PAH: variants seen among roughly 807,000 people sequenced by gnomAD.
PAH encodes phenylalanine hydroxylase, also known as phenylalanine-4-hydroxylase.
In PAH, 64 loss-of-function variants were observed where a neutral mutation model predicts 62.0. That is an observed-to-expected ratio of 1.03 (90% confidence interval 0.84 to 1.27). PAH has a LOEUF of 1.27. Among genes scored for constraint, PAH ranks in the 50% most tolerant of loss-of-function variants. The probability of loss-of-function intolerance (pLI) is 0.00; values close to 1 mark genes in which losing one functional copy is unlikely to be tolerated. For synonymous variants in PAH, 195 were observed against 196.2 expected (o/e 0.99, Z 0.05); for missense variants, 579 against 542.8 (o/e 1.07, Z -0.66).
chr12:102,918,570 G>GTTTTTTTTTTTTT (rs71097955), upstream of PAH, among the ~76,000 whole-genome samples: 1 of 57,536 alleles, frequency 1.7e-5, no homozygotes, highest in Non-Finnish European at 3.2e-5. Context: ...GTTTTTTTTT[G>GTTTTTTTTTTTTT]TTTTTTTTTT....
chr12:102,906,381 A>G (rs961718335), intron 2 of PAH, among the ~76,000 whole-genome samples: 6 of 152,164 alleles, frequency 3.9e-5, no homozygotes, highest in African/African-American at 1.4e-4. Context: ...AAATTTTTGC[A>G]TATTACTTAC....
At chr12:102,868,014 A>C (rs965979633) in intron 4 of PAH, among the ~76,000 whole-genome samples, 2 of 142,254 alleles carry the variant, frequency 1.4e-5, no homozygotes, top group African/African-American at 5.2e-5. Context: ...GTATATACAT[A>C]TATACATATA....
chr12:102,956,671 C>G lies in PAH; in HGVS notation c.-96+1524G>C, dbSNP rs573625024. On this transcript the variant is annotated intron_variant, in intron 1 of 4. Coordinates refer to the PAH transcript ENST00000551337. The stretch of plus-strand genomic sequence containing the variant: ...GGGTCTGGGAGTATCCCAGAGCACT[C>G]CCTTCTTTATGATATCCGCTAAGCT... 3.9e-3 allele frequency among the ~76,000 whole-genome samples: 589 copies of G among 152,238 alleles called. 4 individuals are homozygous for G. Among genetic ancestry groups the G allele is most frequent in the African/African-American group, 0.013 (554 of 41,538 alleles).
Position 102,852,840 on chromosome 12 carries a change from A to T in PAH, c.817T>A (p.Ser273Thr). The T allele has an allele frequency of 6.2e-7, 1 of 1,614,014 alleles. No individual in the cohort carries two copies. Among genetic ancestry groups the T allele is most frequent in the Admixed American group, 1.7e-5 (1 of 59,996 alleles). Residue 273 changes from serine to threonine, a missense_variant, in exon 7 of 13, where the codon TCC becomes ACC. Transcript: ENST00000553106. ...GGTTCGGGGGTATACATGGGCTTGG[A>T]TCCATGTCTGATGTACTGTGTGCAG... is the stretch of plus-strand genomic sequence containing the variant. Reference protein sequence around the residue: ...FHCTQYIRHGSKPMYTPEPDI... With the variant: ...FHCTQYIRHGTKPMYTPEPDI...
At chr12:102,943,989 C>T (rs1180272727) in intron 1 of PAH, among the ~76,000 whole-genome samples, 3 of 152,136 alleles carry the variant, frequency 2.0e-5, no homozygotes, top group Non-Finnish European at 4.4e-5. Flanking sequence ...ATATAAAATT[C>T]ACCCATGTAA....
chr12:102,914,562 T>A (rs1878315766), intron 1 of PAH: 2 of 152,268 alleles, frequency 1.3e-5, no homozygotes, highest in South Asian at 4.1e-4. Flanking sequence ...TCTTCCCCCT[T>A]TTAAACCCTG....
intron 1 of PAH, among the ~76,000 whole-genome samples, chr12:102,940,994 C>T (rs1879267063): frequency 6.6e-6 from 1 of 152,140 alleles, no homozygotes; most frequent in South Asian, 2.1e-4. Flanking sequence ...GCCCTACAAA[C>T]CAGAAGAGAT....
intron 3 of PAH, among the ~76,000 whole-genome samples, chr12:102,885,240 A>G (rs1426647678): frequency 2.0e-5 from 3 of 152,178 alleles, no homozygotes; most frequent in African/African-American, 4.8e-5. Context: ...AGTTCTCTTC[A>G]CATACCCCTT....
At chr12:102,949,344 A>G (rs1008202924) in intron 1 of PAH, among the ~76,000 whole-genome samples, 104 of 152,276 alleles carry the variant, frequency 6.8e-4, no homozygotes, top group Non-Finnish European at 1.2e-3. Flanking sequence ...TTATGGCAGG[A>G]GGGCAGTGGG....
intron 1 of PAH, among the ~76,000 whole-genome samples, chr12:102,931,794 C>G (rs1485264972): frequency 1.3e-5 from 2 of 152,230 alleles, no homozygotes; most frequent in East Asian, 3.9e-4. Context: ...GAGACTGAGT[C>G]TTTTTTCAAT....
chr12:102,847,233 C>T (rs1015063420), intron 8 of PAH: 7 of 463,822 alleles, frequency 1.5e-5, no homozygotes, highest in African/African-American at 1.2e-4. Context: ...ATCACAGGGT[C>T]GGTTAGTATC....
At chr12:102,845,555 A>C (rs1460663140) in intron 9 of PAH, among the ~76,000 whole-genome samples, 1 of 152,192 alleles carries the variant, frequency 6.6e-6, no homozygotes, top group South Asian at 2.1e-4. Context: ...TGTCCTAGAG[A>C]GTTGGCCTGA....
intron 3 of PAH, among the ~76,000 whole-genome samples, chr12:102,883,762 A>G (rs995423754): frequency 3.3e-5 from 5 of 152,184 alleles, no homozygotes; most frequent in African/African-American, 1.2e-4. Flanking sequence ...AAGGTCCAAA[A>G]CACAGCCAGG....
intron 4 of PAH, among the ~76,000 whole-genome samples, chr12:102,871,939 AAAAAAAAAAAATATATATATATAT>A (rs1287848188): frequency 0.13 from 1,992 of 15,518 alleles, 7 homozygotes; most frequent in Non-Finnish European, 0.24. Flanking sequence ...AAAAAAAAAA[AAAAAAAAAAAATATATATATATAT>A]ATATATATAT....
intron 4 of PAH, among the ~76,000 whole-genome samples, chr12:102,876,212 A>C (rs1323403601): frequency 2.0e-5 from 3 of 152,162 alleles, no homozygotes; most frequent in Non-Finnish European, 2.9e-5. Context: ...CTGTGTTTTC[A>C]AGCCCACTAT....
At chr12:102,917,912 A>C (rs181996251), upstream of PAH, among the ~76,000 whole-genome samples, 5 of 152,332 alleles carry the variant, frequency 3.3e-5, no homozygotes, top group African/African-American at 1.2e-4. Flanking sequence ...CCACATAAAC[A>C]CTCAGTAAAT....
At chr12:102,932,687 A>T (rs1878928694) in intron 1 of PAH, among the ~76,000 whole-genome samples, 1 of 152,220 alleles carries the variant, frequency 6.6e-6, no homozygotes, top group Non-Finnish European at 1.5e-5. Context: ...TTGAGACACC[A>T]CAGTGAGTGC....
intron 1 of PAH, among the ~76,000 whole-genome samples, chr12:102,936,616 A>G (rs985450441): frequency 9.2e-5 from 14 of 152,098 alleles, no homozygotes; most frequent in Non-Finnish European, 1.3e-4. Context: ...TGAATTTACC[A>G]CTTTATCATT....
intron 1 of PAH, chr12:102,946,453 G>A (rs7138001): frequency 0.46 from 69,834 of 152,166 alleles, 18,742 homozygotes; most frequent in African/African-American, 0.74. Flanking sequence ...AGGATGGGCA[G>A]TTCTCCTCTG....
Sources: allele counts gnomAD v4.1 joint callset (sites outside exome capture counted in the v4.1 genomes callset), GRCh38; gene constraint gnomAD v4.1.1; transcripts MANE v1.5; gene names NCBI Gene and HGNC (gene_info 2026-07-23, HGNC 2026-07-21).